TXNIP: variants seen among roughly 807,000 people sequenced by gnomAD.
TXNIP encodes thioredoxin-interacting protein.
In TXNIP, 23 loss-of-function variants were observed where a neutral mutation model predicts 43.9. The ratio of observed to expected loss-of-function variants is 0.52; its 90% CI spans 0.38 to 0.74. TXNIP has a LOEUF of 0.74. Among genes scored for constraint, TXNIP ranks in the 30% least tolerant of loss-of-function variants. The pLI is 0.00. For synonymous variants in TXNIP, 234 were observed against 172.2 expected (o/e 1.36, Z -2.81); for missense variants, 555 against 485.4 (o/e 1.14, Z -1.35).
chr1:145,995,960 A>G (rs1324430018), intron 1 of TXNIP, 57 bp downstream of exon 1: 1 of 1,591,264 alleles, frequency 6.3e-7, no homozygotes, highest in Non-Finnish European at 8.6e-7. Flanking sequence ...GGTTTTGTGT[A>G]TTCAATTCTC....
rs1356845442 is a variant in TXNIP at position 145,992,539 on chromosome 1, CAA to C, written c.*1310_*1311del. ...AGTACAAAATATAGTCTTTACCATA[CAA>C]AAAGATACATAATACAAAAACATGA... On this transcript the variant is annotated 3_prime_UTR_variant, in exon 8 of 8. Coordinates refer to ENST00000582401, the MANE Select transcript of TXNIP (RefSeq NM_006472.6). The C allele has an allele frequency of 6.6e-6, 1 of 152,420 alleles. No individual in the cohort carries two copies. The highest frequency in any genetic ancestry group is 1.5e-5 in the Non-Finnish European group (1 of 67,992). The allele number at this position is 152,420 out of a possible 1,614,324, so 9.4% of individuals were successfully genotyped here.
At chr1:145,995,504 T>A in intron 1 of TXNIP, 28 bp from the exon 2 acceptor site, 2 of 1,606,922 alleles carry the variant, frequency 1.2e-6, no homozygotes, top group South Asian at 2.2e-5. Flanking sequence ...CGAGTAGCCA[T>A]TAGGCTTGCT....
rs1553766177 is a variant in TXNIP at position 145,994,913 on chromosome 1, A to C, written c.574+16T>G. ...CCCAGTTCCTGTTTTAACTGCCATA[A>C]GCACTAGGATTTTACCTTCACAGAA... On this transcript the variant is annotated intron_variant, in intron 4 of 7. Transcript: ENST00000582401. 8 of 1,614,066 alleles carry C rather than the reference A, an allele frequency of 5.0e-6. No individual in the cohort carries two copies. Among genetic ancestry groups the C allele is most frequent in the Non-Finnish European group, 6.8e-6 (8 of 1,180,026 alleles).
rs1553766065 is a variant in TXNIP, at chr1:145,994,574, G to A, written c.801C>T (p.Cys267=). ...VQKIRPSILG[C]NILRVEYSLL... is the part of the protein sequence containing the mutation. ...AGGAATATTCAACTCGAAGGATGTT[G>A]CAGCCCAGGATAGAAGGCCTGATCT... Residue 267 remains cysteine (C), a synonymous_variant, in exon 5 of 8, where the codon TGC becomes TGT. Transcript: ENST00000582401. 2.5e-6 allele frequency: 4 copies of A among 1,614,210 alleles called. No homozygotes were observed. The highest frequency in any genetic ancestry group is 2.5e-6 in the Non-Finnish European group (3 of 1,180,044).
rs782688526 is a variant in TXNIP at position 145,993,998 on chromosome 1, A to C, written c.1140+18T>G. The stretch of plus-strand genomic sequence containing the variant: ...GAAAGCTTAGGACAAATTTAACAGT[A>C]AAGATGACAATCCTCACCTCAGTAT... On this transcript the variant is annotated intron_variant, in intron 7 of 7. Coordinates refer to ENST00000582401, the MANE Select transcript of TXNIP (RefSeq NM_006472.6). 5.0e-6 allele frequency: 8 copies of C among 1,614,054 alleles called. No homozygotes were observed. The Admixed American group carries it at 1.0e-4, about 20-fold the overall frequency.
At position 145,993,293 on chromosome 1, in the gene TXNIP, T is replaced by C. The variant is rs1651264945; in HGVS notation, c.*558A>G. 1 of 153,606 alleles carries C rather than the reference T, an allele frequency of 6.5e-6. No homozygotes were observed. The highest frequency in any genetic ancestry group is 2.4e-5 in the African/African-American group (1 of 41,458). The allele number at this position is 153,606 out of a possible 1,614,324, so 9.5% of individuals were successfully genotyped here. Reference sequence around the variant, plus strand: ...TAATCACAGGGAAAGCTCTCTCCATTGTCCATCAAATCAGCTCTAGAAGGT... The same window carrying C: ...TAATCACAGGGAAAGCTCTCTCCATCGTCCATCAAATCAGCTCTAGAAGGT... On this transcript the variant is annotated 3_prime_UTR_variant, in exon 8 of 8. Transcript: ENST00000582401.
chr1:145,993,810 A>G lies in TXNIP; in HGVS notation c.*41T>C. On this transcript the variant is annotated 3_prime_UTR_variant, in exon 8 of 8. Transcript: ENST00000582401. ...GTGAGTGTCCAGGAAGAGAGACAAA[A>G]AGAAACAAGTAGGTAAAGCTGCTTC... 6.2e-7 allele frequency: 1 copy of G among 1,613,064 alleles called. No homozygotes were observed. Among genetic ancestry groups the G allele is most frequent in the Non-Finnish European group, 8.5e-7 (1 of 1,179,344 alleles).
chr1:145,993,882 T>A lies in TXNIP; in HGVS notation c.1145A>T (p.Asp382Val). The change falls in exon 8 of 8, where the codon GAT becomes GTT. Residue 382 changes from aspartate to valine, a missense_variant. Physicochemically the swap from Asp to Val is radical, Grantham distance 152. Transcript: ENST00000582401. The part of the protein sequence containing the change: ...FMPPPTYTEV[D>V]PCILNNNVQ ...CACATTGTTGTTGAGGATGCAGGGA[T>A]CCACCTAAAGAAAGAAACAGACTAT... 1.2e-6 allele frequency: 2 copies of A among 1,614,148 alleles called. No individual in the cohort carries two copies. Among genetic ancestry groups the A allele is most frequent in the Non-Finnish European group, 1.7e-6 (2 of 1,180,022 alleles).
In TXNIP at chr1:145,993,837, T is replaced by C. The variant is rs1238192616; in HGVS notation, c.*14A>G. 4 of 1,614,002 alleles carry C rather than the reference T, an allele frequency of 2.5e-6. No homozygotes were observed. The African/African-American group carries it at 5.3e-5, about 22-fold the overall frequency. ...GAAACAAGTAGGTAAAGCTGCTTCT[T>C]TTCTTCCACATGCTCACTGCACATT... On this transcript the variant is annotated 3_prime_UTR_variant, in exon 8 of 8. Coordinates refer to ENST00000582401, the MANE Select transcript of TXNIP (RefSeq NM_006472.6).
chr1:145,995,542 A>G (rs1651454509), intron 1 of TXNIP, 66 bp from the exon 2 acceptor site: 3 of 1,472,282 alleles, frequency 2.0e-6, no homozygotes, highest in South Asian at 2.3e-5. Context: ...TCTGTGTGAT[A>G]AGGAATGCTT....
chr1:145,994,281 C>T lies in TXNIP; in HGVS notation c.988G>A (p.Ala330Thr), dbSNP rs1651344122. 1 of 1,613,886 alleles carries T rather than the reference C, an allele frequency of 6.2e-7. No individual in the cohort carries two copies. The highest frequency in any genetic ancestry group is 8.5e-7 in the Non-Finnish European group (1 of 1,179,920). ...VDLNIPDTPE[A>T]PPCYMDVIPE... The stretch of plus-strand genomic sequence containing the variant: ...AGAAAAGACATTAGGTCTGGCTCAC[C>T]TTCTGGGGTATCAGGGATGTTCAGA... The change falls in exon 6 of 8, where the codon GCT becomes ACT. Residue 330 changes from alanine (A) to threonine (T), a missense_variant and splice_region_variant. By Grantham distance (58) the Ala-to-Thr change is moderately conservative. Transcript: ENST00000582401.
chr1:145,996,148 C>T lies in TXNIP; in HGVS notation c.119G>A (p.Arg40His), dbSNP rs1205624738. 2.5e-6 allele frequency: 4 copies of T among 1,614,046 alleles called. No individual in the cohort carries two copies. Among genetic ancestry groups the T allele is most frequent in the Admixed American group, 3.3e-5 (2 of 60,006 alleles). ...RVIVEVCEVT[R>H]VKAVRILACG... The stretch of plus-strand genomic sequence containing the variant: ...AGCCAGGATCCTAACGGCTTTGACA[C>T]GAGTAACTTCACACACCTCCACTAT... Residue 40 changes from arginine (R) to histidine (H), a missense_variant, in exon 1 of 8, where the codon CGT becomes CAT. Arg to His is a conservative substitution (Grantham distance 29). Coordinates refer to ENST00000582401, the MANE Select transcript of TXNIP (RefSeq NM_006472.6).
Position 145,993,762 on chromosome 1 carries a change from G to A in TXNIP, c.*89C>T, listed in dbSNP as rs1651295151. 3 of 1,497,058 alleles carry A rather than the reference G, an allele frequency of 2.0e-6. No individual in the cohort carries two copies. Among genetic ancestry groups the A allele is most frequent in the Non-Finnish European group, 2.8e-6 (3 of 1,086,374 alleles). 92.7% of individuals were successfully genotyped at this position (1,497,058 alleles called of 1,614,324 possible). On this transcript the variant is annotated 3_prime_UTR_variant, in exon 8 of 8. Transcript: ENST00000582401. ...TAAGGTGGACCCACACTCCATTGCA[G>A]AGACTGTTGAGTCTCTGAAAAAGTG... is the stretch of plus-strand genomic sequence containing the variant.
In TXNIP at chr1:145,992,905, G is replaced by C. The variant is rs587637170; in HGVS notation, c.*946C>G. 9 of 152,730 alleles carry C rather than the reference G, an allele frequency of 5.9e-5. No individual in the cohort carries two copies. Among genetic ancestry groups the C allele is most frequent in the African/African-American group, 1.9e-4 (8 of 41,554 alleles). The allele number at this position is 152,730 out of a possible 1,614,324, so 9.5% of individuals were successfully genotyped here. On this transcript the variant is annotated 3_prime_UTR_variant, in exon 8 of 8. Transcript: ENST00000582401. The stretch of plus-strand genomic sequence containing the variant: ...ACCCTTTCACATGATTTAAGCGTTA[G>C]AATTATATAATTCTGTACATTGGGG...
At position 145,993,833 on chromosome 1, in the gene TXNIP, T is replaced by A; in HGVS notation, c.*18A>T. The A allele has an allele frequency of 6.2e-7, 1 of 1,613,904 alleles. No homozygotes were observed. The highest frequency in any genetic ancestry group is 1.1e-5 in the South Asian group (1 of 91,062). On this transcript the variant is annotated 3_prime_UTR_variant, in exon 8 of 8. Transcript: ENST00000582401. ...AAAAGAAACAAGTAGGTAAAGCTGC[T>A]TCTTTTCTTCCACATGCTCACTGCA... is the stretch of plus-strand genomic sequence containing the variant.
chr1:145,996,029 C>G lies in TXNIP; in HGVS notation c.238G>C (p.Asp80His). 6.2e-7 allele frequency: 1 copy of G among 1,613,522 alleles called. No individual in the cohort carries two copies. The highest frequency in any genetic ancestry group is 8.5e-7 in the Non-Finnish European group (1 of 1,179,870). The stretch of plus-strand genomic sequence containing the variant: ...TTGGGCCGCTTACCTGTTGGCTGGT[C>G]TTCCAGAAGAAGCGTGTCTTCATAG... Reference protein sequence around the residue: ...LRYEDTLLLEDQPTGENEMVI... With the variant: ...LRYEDTLLLEHQPTGENEMVI... The change falls in exon 1 of 8, where the codon GAC becomes CAC. Residue 80 changes from aspartate (D) to histidine (H), a missense_variant. Physicochemically the swap from Asp to His is moderately conservative, Grantham distance 81 (BLOSUM62 -1). Coordinates refer to ENST00000582401, the MANE Select transcript of TXNIP (RefSeq NM_006472.6).
At chr1:145,995,924 C>G in intron 1 of TXNIP, 93 bp downstream of exon 1, 1 of 1,485,500 alleles carries the variant, frequency 6.7e-7, no homozygotes, top group Non-Finnish European at 9.1e-7. Context: ...ACCACTCAAA[C>G]TGAGCAACTT....
In TXNIP at chr1:145,995,185, C is replaced by A; in HGVS notation, c.430G>T (p.Glu144Ter). The A allele has an allele frequency of 1.2e-6, 2 of 1,614,168 alleles. No individual in the cohort carries two copies. The highest frequency in any genetic ancestry group is 2.2e-5 in the East Asian group (1 of 44,882). Reference protein sequence around the residue: ...QPTQETKKNFEVVDLVDVNTP... With the variant: ...QPTQETKKNF The stretch of plus-strand genomic sequence containing the variant: ...TTGACATCCACCAGATCCACTACTT[C>A]AAAGTTTTTCTTTGTCTCTTGAGTT... Residue 144 changes from glutamate to a stop codon, truncating the protein, a stop_gained, in exon 3 of 8, where the codon GAA (glutamate) becomes TAA (stop). Coordinates refer to ENST00000582401, the MANE Select transcript of TXNIP (RefSeq NM_006472.6). LOFTEE classifies it high-confidence loss of function.
In TXNIP at chr1:145,996,539, T is replaced by C. The variant is rs1553766704; in HGVS notation, c.-273A>G. The C allele has an allele frequency of 8.7e-6, 3 of 343,474 alleles. No individual in the cohort carries two copies. The highest frequency in any genetic ancestry group is 2.8e-5 in the South Asian group (1 of 35,138). The allele number at this position is 343,474 out of a possible 1,614,324, so 21.3% of individuals were successfully genotyped here. A position where few individuals can be genotyped will look rare whatever the true frequency, so the allele number is the denominator to read the frequency against. The stretch of plus-strand genomic sequence containing the variant: ...CCCAATTGCTGGAGAAAAGATCCGA[T>C]CTCCACAAGCACTCCTTTGGAGAAA... On this transcript the variant is annotated 5_prime_UTR_variant, in exon 1 of 8. Coordinates refer to ENST00000582401, the MANE Select transcript of TXNIP (RefSeq NM_006472.6).
Sources: gnomAD v4.1 joint callset for allele counts on GRCh38, gnomAD v4.1.1 for gene constraint, MANE v1.5 for transcripts, NCBI Gene and HGNC (gene_info 2026-07-23, HGNC 2026-07-21) for gene names.